Variants in TCF4 observed in about 807,000 individuals in gnomAD.
TCF4 encodes SL3-3 enhancer factor 2.
A neutral mutation model predicts 82.1 loss-of-function variants in TCF4; 3 were observed. That is an observed-to-expected ratio of 0.04 (90% CI 0.02 to 0.09). TCF4 has a LOEUF of 0.09. Ranked by LOEUF, TCF4 falls within the 10% of genes least tolerant of loss-of-function variation. The pLI is 1.00. For synonymous variants in TCF4, 276 were observed against 309.6 expected (o/e 0.89, Z 1.14); for missense variants, 518 against 852.7 (o/e 0.61, Z 4.89).
At chr18:55,538,707 G>A (rs17597926) in intron 3 of TCF4, among the ~76,000 whole-genome samples, 3,256 of 152,158 alleles carry the variant, frequency 0.021, 68 homozygotes, top group Non-Finnish European at 0.026. Flanking sequence ...AATGTTAGAC[G>A]TATCTTAGCG....
At chr18:55,371,042 T>C (rs1041378825) in intron 6 of TCF4, among the ~76,000 whole-genome samples, 1 of 152,248 alleles carries the variant, frequency 6.6e-6, no homozygotes, top group Admixed American at 6.5e-5. Context: ...GAATGTCTAA[T>C]ATAATTCCAA....
intron 6 of TCF4, among the ~76,000 whole-genome samples, chr18:55,396,898 G>A (rs2146306463): frequency 6.6e-6 from 1 of 152,242 alleles, no homozygotes; most frequent in Admixed American, 6.5e-5. Flanking sequence ...AATGATGAAA[G>A]AAACTGCCCT....
chr18:55,566,163 A>C (rs1268545517), intron 3 of TCF4, among the ~76,000 whole-genome samples: 1 of 152,132 alleles, frequency 6.6e-6, no homozygotes, highest in Admixed American at 6.5e-5. Flanking sequence ...CAGTGAGCCA[A>C]GATCATGCCA....
chr18:55,606,200 C>T (rs891308011), intron 2 of TCF4, among the ~76,000 whole-genome samples: 9 of 152,032 alleles, frequency 5.9e-5, no homozygotes, highest in Non-Finnish European at 1.0e-4. Context: ...GTTGCTTGAG[C>T]GACACATTTC....
At chr18:55,443,788 C>T (rs1192508752) in intron 5 of TCF4, among the ~76,000 whole-genome samples, 2 of 152,176 alleles carry the variant, frequency 1.3e-5, no homozygotes, top group African/African-American at 2.4e-5. Flanking sequence ...AAAGGATCCA[C>T]AATCACAAAA....
intron 8 of TCF4, among the ~76,000 whole-genome samples, chr18:55,294,355 C>T (rs902150625): frequency 6.6e-6 from 1 of 152,094 alleles, no homozygotes; most frequent in African/African-American, 2.4e-5. Context: ...TCCTTAGGAG[C>T]AAAGATTGTG....
At chr18:55,353,881 G>A (rs1050008681) in intron 6 of TCF4, among the ~76,000 whole-genome samples, 2 of 152,170 alleles carry the variant, frequency 1.3e-5, no homozygotes, top group Non-Finnish European at 2.9e-5. Flanking sequence ...AGTTAAGCTT[G>A]AAAACTACAT....
intron 4 of TCF4, among the ~76,000 whole-genome samples, chr18:55,463,470 C>T (rs1413260484): frequency 1.3e-5 from 2 of 152,094 alleles, no homozygotes; most frequent in African/African-American, 4.8e-5. Flanking sequence ...CAAGAAACAA[C>T]CAATGCATGT....
chr18:55,406,688 G>GTCC, intron 5 of TCF4, among the ~76,000 whole-genome samples: 1 of 152,256 alleles, frequency 6.6e-6, no homozygotes, highest in Non-Finnish European at 1.5e-5. Context: ...TATACCAACT[G>GTCC]GCTGGCGCGG....
chr18:55,324,868 T>C (rs2076293273), intron 8 of TCF4, among the ~76,000 whole-genome samples: 1 of 152,178 alleles, frequency 6.6e-6, no homozygotes, highest in Admixed American at 6.5e-5. Flanking sequence ...ACCAGCAAAC[T>C]GTCTAGAAGT....
chr18:55,591,899 A>G (rs1213372347), upstream of TCF4, among the ~76,000 whole-genome samples: 1 of 152,202 alleles, frequency 6.6e-6, no homozygotes, highest in Non-Finnish European at 1.5e-5. Context: ...AAGGTATCCA[A>G]TTGCTAGTCT....
At chr18:55,470,271 A>T (rs906203965) in intron 3 of TCF4, among the ~76,000 whole-genome samples, 1 of 152,220 alleles carries the variant, frequency 6.6e-6, no homozygotes, top group Non-Finnish European at 1.5e-5. Flanking sequence ...ATACCCTCCA[A>T]TATCTAAGAA....
At chr18:55,490,929 G>T (rs932120327) in intron 3 of TCF4, among the ~76,000 whole-genome samples, 1 of 152,082 alleles carries the variant, frequency 6.6e-6, no homozygotes, top group African/African-American at 2.4e-5. Context: ...GAAGATATTG[G>T]AACAGTATTA....
intron 8 of TCF4, among the ~76,000 whole-genome samples, chr18:55,336,129 G>T (rs1037106072): frequency 6.6e-6 from 1 of 152,048 alleles, no homozygotes; most frequent in Admixed American, 6.5e-5. Context: ...CTATTCTCTT[G>T]TCAGTTTCTA....
intron 6 of TCF4, among the ~76,000 whole-genome samples, chr18:55,383,447 AC>A (rs1034752676): frequency 2.0e-5 from 3 of 152,164 alleles, no homozygotes; most frequent in Non-Finnish European, 4.4e-5. Flanking sequence ...TATAGCAAGC[AC>A]CCCCATCCTG....
At chr18:55,627,908 AAAT>A (rs2097728122) in intron 2 of TCF4, among the ~76,000 whole-genome samples, 1 of 151,876 alleles carries the variant, frequency 6.6e-6, no homozygotes, top group South Asian at 2.1e-4. Context: ...AAAATACAAA[AAAT>A]TAGCAGGGCG....
At chr18:55,416,205 CCTA>C (rs1199673949) in intron 5 of TCF4, among the ~76,000 whole-genome samples, 3 of 152,006 alleles carry the variant, frequency 2.0e-5, no homozygotes, top group African/African-American at 7.3e-5. Context: ...ACAAATTGTT[CCTA>C]CTGTTTTCCA....
chr18:55,585,594 C>A lies in TCF4; in HGVS notation c.73-242G>T, dbSNP rs141238954. On this transcript the variant is annotated intron_variant, in intron 2 of 19. Coordinates refer to ENST00000354452, the MANE Select transcript of TCF4 (RefSeq NM_001083962.2). ...TTCATTAGATGGCCAAGCAGTACTA[C>A]TGCTACATTTGGAACAAACACAGTC... 1.4e-4 allele frequency: 83 copies of A among 604,304 alleles called. 1 individual carries two copies. Among genetic ancestry groups the A allele is most frequent in the African/African-American group, 1.4e-3 (73 of 53,808 alleles). 37.4% of individuals were successfully genotyped at this position (604,304 alleles called of 1,614,324 possible).
intron 5 of TCF4, among the ~76,000 whole-genome samples, chr18:55,405,508 T>C (rs1268006714): frequency 6.6e-6 from 1 of 152,212 alleles, no homozygotes; most frequent in Non-Finnish European, 1.5e-5. Flanking sequence ...TTTTTTTCTC[T>C]AGAAGGAATT....
Sources: allele counts gnomAD v4.1 joint callset (sites outside exome capture counted in the v4.1 genomes callset), GRCh38; gene constraint gnomAD v4.1.1; transcripts MANE v1.5; gene names NCBI Gene and HGNC (gene_info 2026-07-23, HGNC 2026-07-21).